GUCA1C: variants seen among roughly 807,000 people sequenced by gnomAD.
The protein encoded by GUCA1C is guanylate cyclase activator 1C.
In GUCA1C, 15 loss-of-function variants were observed where a neutral mutation model predicts 16.2. The observed-to-expected ratio is 0.93, with a 90% CI of 0.62 to 1.43. The LOEUF is 1.43. Among genes scored for constraint, GUCA1C ranks in the 40% most tolerant of loss-of-function variants. The pLI is 0.00. For synonymous variants in GUCA1C, 78 were observed against 85.4 expected (o/e 0.91, Z 0.48); for missense variants, 275 against 244.8 (o/e 1.12, Z -0.82).
intron 1 of GUCA1C, among the ~76,000 whole-genome samples, chr3:108,953,246 A>G (rs781094376): frequency 6.6e-6 from 1 of 152,166 alleles, no homozygotes; most frequent in African/African-American, 2.4e-5. Context: ...TTGTAAATCA[A>G]TCTGTACTTA....
At chr3:108,937,010 T>C (rs1407982306) in intron 1 of GUCA1C, among the ~76,000 whole-genome samples, 1 of 152,166 alleles carries the variant, frequency 6.6e-6, no homozygotes, top group Non-Finnish European at 1.5e-5. Context: ...CACCCGCCCG[T>C]AAGTTTAACT....
intron 3 of GUCA1C, among the ~76,000 whole-genome samples, chr3:108,914,948 A>G (rs1234240312): frequency 6.6e-6 from 1 of 152,212 alleles, no homozygotes; most frequent in East Asian, 1.9e-4. Context: ...TGATGTCAGT[A>G]TACTAGTAAG....
intron 1 of GUCA1C, among the ~76,000 whole-genome samples, chr3:108,930,145 C>T (rs1199168015): frequency 1.3e-5 from 2 of 152,190 alleles, no homozygotes; most frequent in East Asian, 1.9e-4. Context: ...ACTCATTCTT[C>T]GCTATTTTCC....
chr3:108,931,636 G>T (rs1157464681), intron 1 of GUCA1C, among the ~76,000 whole-genome samples: 1 of 152,146 alleles, frequency 6.6e-6, no homozygotes. Context: ...TGATTTAATG[G>T]CTTGTGTTAG....
chr3:108,908,238 G>C, intron 3 of GUCA1C, 29 bp from the exon 4 acceptor site: 1 of 1,484,164 alleles, frequency 6.7e-7, no homozygotes, highest in Non-Finnish European at 9.4e-7. Context: ...TTAATAAGAG[G>C]CTTTGTCTAT....
intron 1 of GUCA1C, 67 bp downstream of exon 1, chr3:108,953,488 GAAAA>G (rs11330501): frequency 8.4e-5 from 73 of 873,930 alleles, no homozygotes; most frequent in South Asian, 1.1e-4. Context: ...TATTTTACAG[GAAAA>G]AAAAAAAAAA....
rs1403835482 is a variant in GUCA1C, at chr3:108,953,835, C to T, written c.-73G>A. 1.0e-6 allele frequency: 1 copy of T among 971,324 alleles called. No homozygotes were observed. The highest frequency in any genetic ancestry group is 2.4e-5 in the East Asian group (1 of 41,738). The allele number at this position is 971,324 out of a possible 1,614,324, so 60.2% of individuals were successfully genotyped here. On this transcript the variant is annotated 5_prime_UTR_variant, in exon 1 of 4. Transcript: ENST00000261047. Reference sequence around the variant, plus strand: ...TTTTGCTGGATTTAGTCCCTTACTCCTCACTAAAACTGAAGGCTAACATAT... The same window carrying T: ...TTTTGCTGGATTTAGTCCCTTACTCTTCACTAAAACTGAAGGCTAACATAT...
intron 1 of GUCA1C, among the ~76,000 whole-genome samples, chr3:108,925,810 G>A (rs1946618317): frequency 6.6e-6 from 1 of 152,160 alleles, no homozygotes; most frequent in South Asian, 2.1e-4. Context: ...CTCCAGGCTG[G>A]GCATAGTGGC....
At chr3:108,942,538 C>T (rs1055986464) in intron 1 of GUCA1C, among the ~76,000 whole-genome samples, 2 of 152,182 alleles carry the variant, frequency 1.3e-5, no homozygotes, top group Admixed American at 1.3e-4. Context: ...ACCCCTAGCC[C>T]CACACAACCC....
At chr3:108,912,122 A>AATAATAATC (rs762101057) in intron 3 of GUCA1C, among the ~76,000 whole-genome samples, 10 of 147,744 alleles carry the variant, frequency 6.8e-5, no homozygotes, top group South Asian at 2.2e-4. Flanking sequence ...TAATAATAAT[A>AATAATAATC]ATCACCCTTT....
intron 1 of GUCA1C, among the ~76,000 whole-genome samples, chr3:108,942,081 T>C (rs1946791796): frequency 6.6e-6 from 1 of 152,216 alleles, no homozygotes; most frequent in African/African-American, 2.4e-5. Flanking sequence ...CAGTCAGCAT[T>C]CTAATCCTGA....
In GUCA1C at chr3:108,908,729, T is replaced by TC. The variant is rs1946416764; in HGVS notation, c.443-521dup. ...CTCTACTCCTTTTCTGGTTTTTGAG[T>TC]CCTGATCTTATCACCTTGACTTACA... On this transcript the variant is annotated intron_variant, in intron 3 of 3. Transcript: ENST00000261047. Among the ~76,000 whole-genome samples, 6 of 152,320 alleles carry TC rather than the reference T, an allele frequency of 3.9e-5. No individual in the cohort carries two copies. In the South Asian group the frequency reaches 1.2e-3, roughly 32 times the overall value.
intron 1 of GUCA1C, among the ~76,000 whole-genome samples, chr3:108,937,976 C>T (rs1946745401): frequency 6.6e-6 from 1 of 151,848 alleles, no homozygotes; most frequent in Non-Finnish European, 1.5e-5. Context: ...GAGGCTAAGA[C>T]AGAGAATTGC....
At position 108,920,541 on chromosome 3, in the gene GUCA1C, T is replaced by G. The variant is rs1946560404; in HGVS notation, c.249A>C (p.Leu83=). 1.9e-6 allele frequency: 3 copies of G among 1,559,276 alleles called. No homozygotes were observed. The highest frequency in any genetic ancestry group is 2.7e-6 in the Non-Finnish European group (3 of 1,130,362). Residue 83 remains leucine (L), a synonymous_variant, in exon 2 of 4, where the codon CTA becomes CTC. Coordinates refer to ENST00000261047, the MANE Select transcript of GUCA1C (RefSeq NM_005459.4). ...DFLEFIAAVN[L]IMQEKMEQKL... is the part of the protein sequence containing the mutation. Reference sequence around the variant, plus strand: ...TTTGCTCCATTTTTTCTTGCATGATTAGATTTACAGCAGCAATAAACTCCA... The same window carrying G: ...TTTGCTCCATTTTTTCTTGCATGATGAGATTTACAGCAGCAATAAACTCCA...
chr3:108,909,084 T>G (rs73850661), intron 3 of GUCA1C, among the ~76,000 whole-genome samples: 5,608 of 152,250 alleles, frequency 0.037, 354 homozygotes, highest in African/African-American at 0.13. Flanking sequence ...AAGTCAGGTG[T>G]TAGGCTGTAC....
intron 1 of GUCA1C, among the ~76,000 whole-genome samples, chr3:108,926,880 C>A (rs1946628334): frequency 1.3e-5 from 2 of 151,028 alleles, no homozygotes; most frequent in South Asian, 4.2e-4. Flanking sequence ...GGATTTGTTT[C>A]AAGATTTAGA....
At chr3:108,948,274 C>A (rs1027069166) in intron 1 of GUCA1C, among the ~76,000 whole-genome samples, 11 of 152,116 alleles carry the variant, frequency 7.2e-5, no homozygotes, top group Non-Finnish European at 1.3e-4. Flanking sequence ...TGAGTTCTCA[C>A]GAGATCTGGT....
intron 2 of GUCA1C, among the ~76,000 whole-genome samples, chr3:108,917,518 T>C (rs1253643002): frequency 6.6e-6 from 1 of 152,128 alleles, no homozygotes; most frequent in Non-Finnish European, 1.5e-5. Context: ...TCATTTACTA[T>C]ATGCACTCTT....
chr3:108,938,299 A>AT (rs1946750077), intron 1 of GUCA1C, among the ~76,000 whole-genome samples: 1 of 152,106 alleles, frequency 6.6e-6, no homozygotes, highest in Non-Finnish European at 1.5e-5. Flanking sequence ...ACCTGAAGAC[A>AT]TTTGCATGCT....
Sources: gnomAD v4.1 joint callset for allele counts (sites outside exome capture counted in the v4.1 genomes callset) on GRCh38, gnomAD v4.1.1 for gene constraint, MANE v1.5 for transcripts, NCBI Gene and HGNC (gene_info 2026-07-23, HGNC 2026-07-21) for gene names.